Variants in DHTKD1 observed in about 807,000 individuals in gnomAD.
The protein encoded by DHTKD1 is dehydrogenase E1 and transketolase domain containing 1.
Under a neutral mutation model 101.8 loss-of-function variants are expected in DHTKD1, and 78 were observed. The observed-to-expected ratio is 0.77, with a 90% confidence interval of 0.64 to 0.93. The LOEUF is 0.93. Among genes scored for constraint, DHTKD1 ranks in the 40% least tolerant of loss-of-function variants. The pLI is 0.00. For missense variants in DHTKD1, 1,223 were observed against 1,161.7 expected (o/e 1.05, Z -0.77); for synonymous variants, 462 against 450.3 (o/e 1.03, Z -0.33).
rs974152682 is a variant in DHTKD1 at position 12,123,116 on chromosome 10, T to C, written c.*2228T>C. 11 of 152,166 alleles carry C rather than the reference T, an allele frequency of 7.2e-5. No homozygotes were observed. Among genetic ancestry groups the C allele is most frequent in the Non-Finnish European group, 1.3e-4 (9 of 68,046 alleles). 9.4% of individuals were successfully genotyped at this position (152,166 alleles called of 1,614,324 possible). A position where few individuals can be genotyped will look rare whatever the true frequency, so the allele number is the denominator to read the frequency against. ...TATAAATCATGTAATTTAGTGCCAC[T>C]CATGTAAATCAGTAAAATCACAAAG... On this transcript the variant is annotated 3_prime_UTR_variant, in exon 17 of 17. Coordinates refer to ENST00000263035, the MANE Select transcript of DHTKD1 (RefSeq NM_018706.7).
At chr10:12,093,203 C>A (rs1213244216) in intron 6 of DHTKD1, among the ~76,000 whole-genome samples, 1 of 152,054 alleles carries the variant, frequency 6.6e-6, no homozygotes, top group African/African-American at 2.4e-5. Flanking sequence ...ACCACCACAC[C>A]CAGCTAAATT....
chr10:12,118,395 T>TG (rs1186377546), intron 14 of DHTKD1, among the ~76,000 whole-genome samples: 1 of 150,676 alleles, frequency 6.6e-6, no homozygotes, highest in Non-Finnish European at 1.5e-5. Context: ...CTTTTTTTTT[T>TG]TTTTTGAGGT....
At chr10:12,073,934 C>A (rs7901175) in intron 1 of DHTKD1, among the ~76,000 whole-genome samples, 68,723 of 152,018 alleles carry the variant, frequency 0.45, 17,465 homozygotes, top group South Asian at 0.71. Context: ...GTCTTCTGAG[C>A]CAGAAGCATG....
chr10:12,112,177 G>T (rs757087355), intron 12 of DHTKD1, among the ~76,000 whole-genome samples: 19 of 152,004 alleles, frequency 1.2e-4, no homozygotes, highest in Non-Finnish European at 2.4e-4. Context: ...AGTCAGGTGT[G>T]GTAGCAGGCA....
At chr10:12,100,154 T>C (rs1032247067) in intron 8 of DHTKD1, 24 bp from the exon 9 acceptor site, 2 of 1,449,736 alleles carry the variant, frequency 1.4e-6, no homozygotes, top group Non-Finnish European at 9.4e-7. Context: ...ACGTTCCTTT[T>C]TTTTCTTCCT....
At chr10:12,118,677 T>G (rs555484988) in intron 14 of DHTKD1, 72 bp from the exon 15 acceptor site, 3 of 1,320,352 alleles carry the variant, frequency 2.3e-6, no homozygotes, top group Non-Finnish European at 3.0e-6. Context: ...CTACTGCACC[T>G]GGCCTCTTCT....
chr10:12,099,758 T>G (rs1358825356), intron 8 of DHTKD1, among the ~76,000 whole-genome samples: 2 of 152,034 alleles, frequency 1.3e-5, no homozygotes, highest in Admixed American at 1.3e-4. Context: ...TACTCTGTTT[T>G]TATTCAGCAT....
At chr10:12,091,415 A>AAAAAAAAAAAAAC (rs1832988053) in intron 5 of DHTKD1, 98 bp from the exon 6 acceptor site, 1 of 665,160 alleles carries the variant, frequency 1.5e-6, no homozygotes, top group Non-Finnish European at 2.2e-6. Flanking sequence ...CTGTCTCAAA[A>AAAAAAAAAAAAAC]AAAAAAAAAA....
intron 6 of DHTKD1, among the ~76,000 whole-genome samples, 155 bp downstream of exon 6, chr10:12,091,839 C>G (rs9943322): frequency 6.6e-6 from 1 of 151,928 alleles, no homozygotes; most frequent in African/African-American, 2.4e-5. Flanking sequence ...GAGTCTTGCT[C>G]TGTCACCCAG....
chr10:12,091,606 C>T lies in DHTKD1; in HGVS notation c.1081C>T (p.His361Tyr), dbSNP rs567655402. ...LPHFRIGGSVHLIVNNQLGYT... is the reference protein window; with the variant it reads ...LPHFRIGGSVYLIVNNQLGYT... ...ACATTTCAGAATTGGTGGGAGTGTG[C>T]ATTTGATTGTTAATAACCAGCTGGG... The change falls in exon 6 of 17, where the codon CAT (histidine) becomes TAT (tyrosine). Residue 361 changes from histidine to tyrosine, a missense_variant. Physicochemically the swap from His to Tyr is moderately conservative, Grantham distance 83 (BLOSUM62 2). Transcript: ENST00000263035. 1.2e-6 allele frequency: 2 copies of T among 1,613,534 alleles called. No homozygotes were observed. Among genetic ancestry groups the T allele is most frequent in the Non-Finnish European group, 1.7e-6 (2 of 1,179,910 alleles).
chr10:12,121,450 A>T lies in DHTKD1; in HGVS notation c.*562A>T, dbSNP rs1157908938. On this transcript the variant is annotated 3_prime_UTR_variant, in exon 17 of 17. Coordinates refer to ENST00000263035, the MANE Select transcript of DHTKD1 (RefSeq NM_018706.7). ...TAGAAATAGGAAAACAACAAAAGAAAAACAATAACAAAAAAAGAAAGTGTG... is the reference window on the plus strand; with the variant it reads ...TAGAAATAGGAAAACAACAAAAGAATAACAATAACAAAAAAAGAAAGTGTG... 1 of 152,652 alleles carries T rather than the reference A, an allele frequency of 6.6e-6. No homozygotes were observed. The highest frequency in any genetic ancestry group is 2.4e-5 in the African/African-American group (1 of 41,390). 9.5% of individuals were successfully genotyped at this position (152,652 alleles called of 1,614,324 possible).
At chr10:12,078,301 T>C (rs367555321) in intron 1 of DHTKD1, among the ~76,000 whole-genome samples, 1 of 152,018 alleles carries the variant, frequency 6.6e-6, no homozygotes, top group East Asian at 1.9e-4. Context: ...GGCACGTGCC[T>C]GTAATCCCAG....
rs890236474 is a variant in DHTKD1 at position 12,103,734 on chromosome 10, T to C, written c.1897-2512T>C. On this transcript the variant is annotated intron_variant, in intron 10 of 16. Coordinates refer to ENST00000263035, the MANE Select transcript of DHTKD1 (RefSeq NM_018706.7). This position sits in a 1 kb window ranked among gnomAD's most constrained non-coding sequence, Gnocchi z 4.8. ...TCTCACTGTGATGGCCAGTGTCATC[T>C]TGAATTCCTGGCCTCAAGCAATCCT... Among the ~76,000 whole-genome samples, 1 of 152,190 alleles carries C rather than the reference T, an allele frequency of 6.6e-6. No individual in the cohort carries two copies. The highest frequency in any genetic ancestry group is 2.4e-5 in the African/African-American group (1 of 41,458).
chr10:12,073,235 A>G (rs1832677037), intron 1 of DHTKD1, among the ~76,000 whole-genome samples: 1 of 150,870 alleles, frequency 6.6e-6, no homozygotes, highest in Non-Finnish European at 1.5e-5. Context: ...GTTTCACCAT[A>G]TTGGCCAGGG....
Position 12,113,023 on chromosome 10 carries a change from C to T in DHTKD1, c.2278C>T (p.Pro760Ser). The T allele has an allele frequency of 6.2e-7, 1 of 1,613,456 alleles. No individual in the cohort carries two copies. The highest frequency in any genetic ancestry group is 8.5e-7 in the Non-Finnish European group (1 of 1,179,720). Residue 760 changes from proline to serine, a missense_variant, in exon 13 of 17, where the codon CCA (proline) becomes TCA (serine). Pro to Ser is a moderately conservative substitution (Grantham distance 74). Transcript: ENST00000263035. The part of the protein sequence containing the change: ...RRQMVRNFRK[P>S]LIVASPKMLL... ...ACAGATGGTCCGGAACTTCAGAAAACCACTCATTGTTGCTTCCCCTAAGAT... is the reference window on the plus strand; with the variant it reads ...ACAGATGGTCCGGAACTTCAGAAAATCACTCATTGTTGCTTCCCCTAAGAT...
In DHTKD1 at chr10:12,069,145, C is replaced by A. The variant is rs1363861222; in HGVS notation, c.112C>A (p.Pro38Thr). 1 of 1,578,478 alleles carries A rather than the reference C, an allele frequency of 6.3e-7. No individual in the cohort carries two copies. Among genetic ancestry groups the A allele is most frequent in the African/African-American group, 1.4e-5 (1 of 73,686 alleles). Residue 38 changes from proline (P) to threonine (T), a missense_variant, in exon 1 of 17, where the codon CCC (proline) becomes ACC (threonine). Coordinates refer to ENST00000263035, the MANE Select transcript of DHTKD1 (RefSeq NM_018706.7). The stretch of plus-strand genomic sequence containing the variant: ...CGTTTACGGCTACCGGCCGAGGAAG[C>A]CCGAGAGCCGCGAGCCCCAGGGCGC... Reference protein sequence around the residue: ...RGVYGYRPRKPESREPQGALE... With the variant: ...RGVYGYRPRKTESREPQGALE...
At chr10:12,078,270 CA>C (rs1387252674) in intron 1 of DHTKD1, among the ~76,000 whole-genome samples, 3 of 151,880 alleles carry the variant, frequency 2.0e-5, no homozygotes, top group African/African-American at 7.3e-5. Flanking sequence ...ACTAAAAATA[CA>C]AAAATTAGCC....
At chr10:12,118,077 A>G (rs1833448582) in intron 14 of DHTKD1, among the ~76,000 whole-genome samples, 1 of 151,540 alleles carries the variant, frequency 6.6e-6, no homozygotes, top group African/African-American at 2.4e-5. Flanking sequence ...TTTAGTAGAG[A>G]TGGGGTTTCA....
intron 9 of DHTKD1, 41 bp downstream of exon 9, chr10:12,100,303 A>ATTTTTTTTTTTTTTTTTTT (rs1833147731): frequency 3.3e-5 from 1 of 30,404 alleles, no homozygotes; most frequent in African/African-American, 3.5e-4. Context: ...TTTTTTTTTG[A>ATTTTTTTTTTTTTTTTTTT]GTCTCACCCT....
Sources: allele counts gnomAD v4.1 joint callset (sites outside exome capture counted in the v4.1 genomes callset), GRCh38; gene constraint gnomAD v4.1.1; non-coding constraint Gnocchi (gnomAD v3.1); transcripts MANE v1.5; gene names NCBI Gene and HGNC (gene_info 2026-07-23, HGNC 2026-07-21).